Variants in VPS13B observed in about 807,000 individuals in gnomAD.
VPS13B encodes vacuolar protein sorting 13 homolog B.
A neutral mutation model predicts 426.4 loss-of-function variants in VPS13B; 285 were observed. The observed-to-expected ratio is 0.67, with a 90% confidence interval of 0.61 to 0.74. The LOEUF is 0.74. Ranked by LOEUF, VPS13B falls within the 30% of genes least tolerant of loss-of-function variation. The probability of loss-of-function intolerance (pLI) is 0.00; values close to 1 mark genes in which losing one functional copy is unlikely to be tolerated. For synonymous variants in VPS13B, 1,676 were observed against 1,676.4 expected, an observed-to-expected ratio of 1.00 and a Z score of 0.01; for missense variants, 4,537 against 4,782.6, an observed-to-expected ratio of 0.95 and a Z score of 1.51.
chr8:99,094,786 C>T (rs528873036), intron 3 of VPS13B, among the ~76,000 whole-genome samples: 2 of 152,114 alleles, frequency 1.3e-5, no homozygotes, highest in East Asian at 3.9e-4. Flanking sequence ...ATTTTCCCTT[C>T]AAATATATAA....
chr8:99,510,078 A>G (rs1464061918), intron 28 of VPS13B, among the ~76,000 whole-genome samples: 1 of 152,234 alleles, frequency 6.6e-6, no homozygotes, highest in Non-Finnish European at 1.5e-5. Flanking sequence ...ATTATGATTT[A>G]CAGGATAGTG....
At chr8:99,173,326 A>G (rs181321639) in intron 16 of VPS13B, among the ~76,000 whole-genome samples, 1 of 152,134 alleles carries the variant, frequency 6.6e-6, no homozygotes, top group Non-Finnish European at 1.5e-5. Context: ...AACTGAAGGC[A>G]TCATTTGCCC....
chr8:99,859,631 C>T (rs1324946236), intron 57 of VPS13B, 151 bp downstream of exon 57: 3 of 1,027,296 alleles, frequency 2.9e-6, no homozygotes, highest in Non-Finnish European at 2.8e-6. Context: ...TGTAACAAAG[C>T]TCATATATAA....
At chr8:99,267,819 T>C (rs963490418) in intron 17 of VPS13B, among the ~76,000 whole-genome samples, 1 of 151,982 alleles carries the variant, frequency 6.6e-6, no homozygotes, top group Non-Finnish European at 1.5e-5. Flanking sequence ...AGGAGCAGAA[T>C]GTTAATCACC....
At chr8:99,350,964 A>G (rs899059719) in intron 19 of VPS13B, among the ~76,000 whole-genome samples, 1 of 152,020 alleles carries the variant, frequency 6.6e-6, no homozygotes, top group African/African-American at 2.4e-5. Flanking sequence ...ATTCAAATAG[A>G]TATCATTTTA....
chr8:99,864,472 T>G (rs1244817477), intron 58 of VPS13B, among the ~76,000 whole-genome samples: 1 of 152,204 alleles, frequency 6.6e-6, no homozygotes, highest in Non-Finnish European at 1.5e-5. Context: ...GTGGATCACT[T>G]GAGCCCAGGA....
intron 17 of VPS13B, among the ~76,000 whole-genome samples, chr8:99,221,038 G>A (rs1815689787): frequency 1.0e-5 from 1 of 97,434 alleles, no homozygotes; most frequent in Non-Finnish European, 2.0e-5. Context: ...AATATGCGGT[G>A]TTTGGTTTTT....
intron 4 of VPS13B, among the ~76,000 whole-genome samples, chr8:99,100,796 A>T (rs1298318037): frequency 1.3e-5 from 2 of 152,012 alleles, no homozygotes; most frequent in Admixed American, 1.3e-4. Context: ...TAATCCCAGT[A>T]CTTTGGGAGG....
intron 35 of VPS13B, among the ~76,000 whole-genome samples, chr8:99,663,720 A>C (rs1170535419): frequency 6.6e-6 from 1 of 152,232 alleles, no homozygotes. Context: ...TAATTAGTTC[A>C]TGGAAGAGTG....
At chr8:99,101,023 G>A (rs1192638014) in intron 4 of VPS13B, among the ~76,000 whole-genome samples, 5 of 151,382 alleles carry the variant, frequency 3.3e-5, no homozygotes, top group African/African-American at 7.3e-5. Flanking sequence ...TAGCCTGGAC[G>A]ATAGAGAGAG....
At chr8:99,575,624 G>A (rs748971205) in intron 31 of VPS13B, 34 bp from the exon 32 acceptor site, 14 of 1,612,856 alleles carry the variant, frequency 8.7e-6, no homozygotes, top group Non-Finnish European at 1.1e-5. Context: ...TGAAAATAAT[G>A]AAATGGCTAA....
intron 24 of VPS13B, among the ~76,000 whole-genome samples, chr8:99,473,102 A>G (rs1310772788): frequency 6.6e-6 from 1 of 152,070 alleles, no homozygotes; most frequent in Non-Finnish European, 1.5e-5. Flanking sequence ...TAAATTTTTC[A>G]CAAATGTTTT....
intron 25 of VPS13B, among the ~76,000 whole-genome samples, chr8:99,482,567 A>G (rs957387743): frequency 2.0e-5 from 3 of 152,196 alleles, no homozygotes; most frequent in Non-Finnish European, 2.9e-5. Flanking sequence ...AGACTTGTAC[A>G]GGTCTGTATT....
chr8:99,167,327 T>G (rs1812065017), intron 15 of VPS13B, among the ~76,000 whole-genome samples: 1 of 152,128 alleles, frequency 6.6e-6, no homozygotes, highest in Non-Finnish European at 1.5e-5. Context: ...ACTTTTAAAA[T>G]GAAAGAAATG....
At chr8:99,309,483 T>G (rs917017843) in intron 19 of VPS13B, among the ~76,000 whole-genome samples, 15 of 152,076 alleles carry the variant, frequency 9.9e-5, no homozygotes, top group African/African-American at 3.6e-4. Context: ...TCAAAGATCA[T>G]ATGGTTGTAG....
chr8:99,731,173 A>G (rs921308367), intron 39 of VPS13B, among the ~76,000 whole-genome samples: 1 of 152,200 alleles, frequency 6.6e-6, no homozygotes, highest in African/African-American at 2.4e-5. Flanking sequence ...GAGGCCGCAG[A>G]TGTGGCTTCT....
chr8:99,075,520 C>T (rs1845072488), intron 3 of VPS13B, among the ~76,000 whole-genome samples: 2 of 152,188 alleles, frequency 1.3e-5, no homozygotes, highest in Admixed American at 6.5e-5. Flanking sequence ...CAGGCCTCAC[C>T]TCCAACACTG....
At chr8:99,706,582 T>G (rs1420642461) in intron 36 of VPS13B, among the ~76,000 whole-genome samples, 1 of 152,160 alleles carries the variant, frequency 6.6e-6, no homozygotes, top group African/African-American at 2.4e-5. Flanking sequence ...TTAACCAAAT[T>G]AGTCATTTCT....
rs1362402102 is a variant in VPS13B at position 99,442,312 on chromosome 8, T to C, written c.3211-89T>C. On this transcript the variant is annotated intron_variant, in intron 22 of 61. Coordinates refer to ENST00000357162, the MANE Select transcript of VPS13B (RefSeq NM_152564.5). ...GACATAAATATGGAACATTTACTTT[T>C]TTTGGTTGTTTATTCTGGCGAAGAT... 1.2e-5 allele frequency: 13 copies of C among 1,104,486 alleles called. No individual in the cohort carries two copies. The East Asian group carries it at 3.0e-4, about 25-fold the overall frequency. 68.4% of individuals were successfully genotyped at this position (1,104,486 alleles called of 1,614,324 possible).
Sources: allele counts gnomAD v4.1 joint callset (sites outside exome capture counted in the v4.1 genomes callset), GRCh38; gene constraint gnomAD v4.1.1; transcripts MANE v1.5; gene names NCBI Gene and HGNC (gene_info 2026-07-23, HGNC 2026-07-21).